NAV1: variants seen among roughly 807,000 people sequenced by gnomAD.
The protein encoded by NAV1 is pore membrane and/or filament interacting like protein 3.
Under a neutral mutation model 175.2 loss-of-function variants are expected in NAV1, and 18 were observed. The observed-to-expected ratio is 0.10, with a 90% CI of 0.07 to 0.15. The LOEUF is 0.15. NAV1 is among the 10% of genes least tolerant of loss of function. The probability of loss-of-function intolerance (pLI) is 1.00; values close to 1 mark genes in which losing one functional copy is unlikely to be tolerated. For synonymous variants in NAV1, 897 were observed against 978.7 expected, an observed-to-expected ratio of 0.92 and a Z score of 1.56; for missense variants, 1,731 against 2,436.6, an observed-to-expected ratio of 0.71 and a Z score of 6.10.
intron 3 of NAV1, among the ~76,000 whole-genome samples, chr1:201,772,042 A>G (rs1468223021): frequency 6.6e-6 from 1 of 152,370 alleles, no homozygotes. Flanking sequence ...GCAATGAGTG[A>G]GTGCCCACTG....
chr1:201,616,923 G>A (rs2102266891), intron 2 of NAV1, among the ~76,000 whole-genome samples: 1 of 152,262 alleles, frequency 6.6e-6, no homozygotes, highest in South Asian at 2.1e-4. Flanking sequence ...CACAGCACCT[G>A]GTACATGGAA....
intron 1 of NAV1, among the ~76,000 whole-genome samples, chr1:201,580,806 G>A (rs900568382): frequency 1.5e-4 from 23 of 152,122 alleles, no homozygotes; most frequent in Admixed American, 3.9e-4. Flanking sequence ...ATATTCTGGA[G>A]GCTTAAAGGA....
intron 1 of NAV1, among the ~76,000 whole-genome samples, chr1:201,657,627 C>G (rs1487569697): frequency 6.6e-6 from 1 of 152,226 alleles, no homozygotes; most frequent in African/African-American, 2.4e-5. Flanking sequence ...AGAGTGGCTC[C>G]CTGCCGGGGA....
chr1:201,774,801 A>C (rs987990276), intron 3 of NAV1, among the ~76,000 whole-genome samples: 3 of 152,210 alleles, frequency 2.0e-5, no homozygotes, highest in South Asian at 4.1e-4. Flanking sequence ...AGTTAAATGA[A>C]AATAAAGCGT....
chr1:201,649,297 C>A (rs1669095015), exon 1 of NAV1: 1 of 1,612,954 alleles, frequency 6.2e-7, no homozygotes, highest in Non-Finnish European at 8.5e-7. Context: ...AAGGCCAAGG[C>A]GCAAAAGAGC....
chr1:201,699,699 G>C (rs1268816869), intron 1 of NAV1, among the ~76,000 whole-genome samples: 1 of 152,142 alleles, frequency 6.6e-6, no homozygotes, highest in African/African-American at 2.4e-5. Context: ...CATACTACAA[G>C]GCTACAGTAA....
intron 2 of NAV1, among the ~76,000 whole-genome samples, chr1:201,596,933 C>A (rs896969103): frequency 1.3e-5 from 2 of 152,182 alleles, no homozygotes; most frequent in African/African-American, 2.4e-5. Context: ...TCAAACAATT[C>A]TCCTGCCTCA....
chr1:201,776,020 C>T (rs1675914093), intron 3 of NAV1, among the ~76,000 whole-genome samples: 1 of 152,116 alleles, frequency 6.6e-6, no homozygotes, highest in African/African-American at 2.4e-5. Flanking sequence ...TGCATCACCA[C>T]ACTCTAGCCT....
chr1:201,619,585 C>G (rs1419478220), upstream of NAV1, among the ~76,000 whole-genome samples: 1 of 152,222 alleles, frequency 6.6e-6, no homozygotes, highest in Admixed American at 6.5e-5. Flanking sequence ...CCTGCTTACA[C>G]TTTCCGAGTT....
intron 1 of NAV1, among the ~76,000 whole-genome samples, chr1:201,654,819 C>T (rs776321661): frequency 2.6e-5 from 4 of 152,130 alleles, no homozygotes; most frequent in Admixed American, 2.6e-4. Flanking sequence ...GTTCTGTTTA[C>T]ACTCTCCTAG....
rs764483919 is a variant in NAV1 at position 201,798,695 on chromosome 1, C to CTTTTTTTTTTTTTTTTTTTTTTTTTTTTT, written c.3517+4143_3517+4144insTTTTTTTTTTTTTTTTTTTTTTTTTTTTT. ...AAGAATTACTGTTCATTTTCTCTCT[C>CTTTTTTTTTTTTTTTTTTTTTTTTTTTTT]TTTTTTTTTTTTTTTTTTTTTTTTT... On this transcript the variant is annotated intron_variant, in intron 15 of 29. Coordinates refer to ENST00000367296, the Ensembl canonical transcript of NAV1. The CTTTTTTTTTTTTTTTTTTTTTTTTTTTTT allele has an allele frequency of 4.3e-5, 3 of 69,476 alleles. 1 individual carries two copies. Among genetic ancestry groups the CTTTTTTTTTTTTTTTTTTTTTTTTTTTTT allele is most frequent in the African/African-American group, 1.8e-4 (3 of 16,704 alleles). 4.3% of individuals were successfully genotyped at this position (69,476 alleles called of 1,614,324 possible).
intron 2 of NAV1, among the ~76,000 whole-genome samples, chr1:201,642,652 TCCTTCCTTC>T (rs200744705): frequency 0.021 from 2,965 of 144,192 alleles, 123 homozygotes; most frequent in African/African-American, 0.074. Flanking sequence ...CCTCCCTCGC[TCCTTCCTTC>T]CCTTCCTTCC....
At chr1:201,563,293 C>A (rs1388306738) in intron 1 of NAV1, among the ~76,000 whole-genome samples, 1 of 151,956 alleles carries the variant, frequency 6.6e-6, no homozygotes, top group South Asian at 2.1e-4. Flanking sequence ...CGGGACCCAG[C>A]CTGGATGGCA....
exon 7 of NAV1, chr1:201,783,434 C>T (rs1252362206): frequency 6.8e-6 from 11 of 1,613,914 alleles, no homozygotes; most frequent in Middle Eastern, 1.6e-4. Context: ...TGTCAAACCA[C>T]CCTCACTAGC....
chr1:201,781,441 G>T, intron 5 of NAV1, 132 bp downstream of exon 9: 1 of 906,726 alleles, frequency 1.1e-6, no homozygotes, highest in Non-Finnish European at 1.6e-6. Flanking sequence ...ATCTTATCTG[G>T]TCTAAGGACA....
Position 201,808,972 on chromosome 1 carries a change from C to G in NAV1, c.4207+101C>G. 8 of 1,436,474 alleles carry G rather than the reference C, an allele frequency of 5.6e-6. No homozygotes were observed. Among genetic ancestry groups the G allele is most frequent in the African/African-American group, 2.8e-5 (2 of 70,480 alleles). The allele number at this position is 1,436,474 out of a possible 1,614,324, so 89.0% of individuals were successfully genotyped here. A position where few individuals can be genotyped will look rare whatever the true frequency, so the allele number is the denominator to read the frequency against. On this transcript the variant is annotated intron_variant, in intron 20 of 29. Coordinates refer to ENST00000367296, the Ensembl canonical transcript of NAV1. The surrounding 1 kb of genome is among the most constrained non-coding windows in gnomAD (Gnocchi z 5.5). ...GCTTTGGTCAGGGCGGTAACAATGC[C>G]GAAGCCAAGCAGATGCCAGTGTCCT...
intron 1 of NAV1, among the ~76,000 whole-genome samples, chr1:201,699,362 A>C (rs1192463946): frequency 6.6e-6 from 1 of 152,178 alleles, no homozygotes; most frequent in Admixed American, 6.5e-5. Flanking sequence ...AGAATAAAAT[A>C]CCTAGGAATC....
chr1:201,627,865 G>A (rs1051935359), intron 1 of NAV1, among the ~76,000 whole-genome samples: 1 of 152,072 alleles, frequency 6.6e-6, no homozygotes, highest in African/African-American at 2.4e-5. Context: ...TAAGAGCCTG[G>A]TGCAGTGGCT....
chr1:201,757,040 T>C (rs1571462458), intron 3 of NAV1, among the ~76,000 whole-genome samples: 1 of 151,912 alleles, frequency 6.6e-6, no homozygotes, highest in Non-Finnish European at 1.5e-5. Flanking sequence ...CCTACTGTTA[T>C]ACGGACCTAT....
Sources: allele counts gnomAD v4.1 joint callset (sites outside exome capture counted in the v4.1 genomes callset), GRCh38; gene constraint gnomAD v4.1.1; non-coding constraint Gnocchi (gnomAD v3.1); transcripts MANE v1.5; gene names NCBI Gene and HGNC (gene_info 2026-07-23, HGNC 2026-07-21).